The following ALPL variants were observed in gnomAD, a reference collection of about 807,000 sequenced individuals.
The protein encoded by ALPL is alkaline phosphatase, biomineralization associated, also known as alkaline phosphatase, tissue-nonspecific isozyme.
Under a neutral mutation model 51.3 loss-of-function variants are expected in ALPL, and 42 were observed. That is an observed-to-expected ratio of 0.82 (90% CI 0.64 to 1.06). The LOEUF (loss-of-function observed/expected upper bound fraction) is 1.06, where lower values mean the gene tolerates loss of function less well. ALPL is among the 50% of genes least tolerant of loss of function. The pLI, the probability that ALPL is intolerant of heterozygous loss-of-function variation, is 0.00. For missense variants in ALPL, 589 were observed against 709.4 expected (o/e 0.83, Z 1.93); for synonymous variants, 279 against 296.4 (o/e 0.94, Z 0.60).
chr1:21,523,531 C>T (rs1023952521), intron 1 of ALPL, among the ~76,000 whole-genome samples: 1 of 152,146 alleles, frequency 6.6e-6, no homozygotes, highest in Non-Finnish European at 1.5e-5. Flanking sequence ...CTATATGATC[C>T]GTGGGGCGGA....
At chr1:21,534,747 A>G (rs749279297) in intron 1 of ALPL, among the ~76,000 whole-genome samples, 7 of 152,200 alleles carry the variant, frequency 4.6e-5, no homozygotes, top group Non-Finnish European at 7.3e-5. Flanking sequence ...GCCCTGGGCA[A>G]GAATCCAGTT....
At chr1:21,516,769 C>T (rs114753919) in intron 1 of ALPL, among the ~76,000 whole-genome samples, 123 of 152,342 alleles carry the variant, frequency 8.1e-4, no homozygotes, top group African/African-American at 3.0e-3. Context: ...CAGGTTTCCT[C>T]TCAACAGCTT....
At chr1:21,565,946 C>T (rs925645723) in intron 6 of ALPL, among the ~76,000 whole-genome samples, 1 of 152,164 alleles carries the variant, frequency 6.6e-6, no homozygotes, top group Non-Finnish European at 1.5e-5. Context: ...CGCTGCCGGG[C>T]TGGAAACGAT....
In ALPL at chr1:21,564,160, A is replaced by G. The variant is rs1370775537; in HGVS notation, c.592A>G (p.Ser198Gly). The G allele has an allele frequency of 6.2e-7, 1 of 1,614,036 alleles. No individual in the cohort carries two copies. The highest frequency in any genetic ancestry group is 1.7e-4 in the Middle Eastern group (1 of 6,058). The change falls in exon 6 of 12, where the codon AGC becomes GGC. Residue 198 changes from serine (S) to glycine (G), a missense_variant. Coordinates refer to ENST00000374840, the MANE Select transcript of ALPL (RefSeq NM_000478.6). The surrounding 1 kb of genome is among the most constrained non-coding windows in gnomAD (Gnocchi z 5.8). ...SDNEMPPEAL[S>G]QGCKDIAYQL... ...CAACGAGATGCCCCCTGAGGCCTTG[A>G]GCCAGGGCTGTAAGGACATCGCCTA...
intron 2 of ALPL, 122 bp from the exon 3 acceptor site, chr1:21,560,504 T>C: frequency 7.6e-7 from 1 of 1,321,100 alleles, no homozygotes; most frequent in Non-Finnish European, 1.1e-6. Context: ...GGTGGGCAAC[T>C]ATTGCACCCA....
chr1:21,573,576 G>A (rs931293045), intron 8 of ALPL, 89 bp from the exon 9 acceptor site: 32 of 1,530,520 alleles, frequency 2.1e-5, no homozygotes, highest in Non-Finnish European at 2.8e-5. Context: ...TGGGGAGCCT[G>A]CATTCCCTGA....
At chr1:21,575,450 GGGA>G (rs1343348723) in intron 9 of ALPL, among the ~76,000 whole-genome samples, 1 of 152,162 alleles carries the variant, frequency 6.6e-6, no homozygotes, top group Non-Finnish European at 1.5e-5. Flanking sequence ...GAGGGGCGGT[GGGA>G]GGAGTACAGC....
intron 1 of ALPL, among the ~76,000 whole-genome samples, chr1:21,537,568 C>A (rs371935792): frequency 6.6e-6 from 1 of 152,228 alleles, no homozygotes; most frequent in Admixed American, 6.5e-5. Flanking sequence ...AACCACCCCC[C>A]CCACCGCCAT....
chr1:21,536,919 C>T (rs1172664026), intron 1 of ALPL, among the ~76,000 whole-genome samples: 29 of 100,594 alleles, frequency 2.9e-4, no homozygotes, highest in African/African-American at 1.0e-3. Context: ...TTTTTTGAGA[C>T]GGAGTCTTGC....
At chr1:21,523,374 A>G (rs10917004) in intron 1 of ALPL, among the ~76,000 whole-genome samples, 74,937 of 152,110 alleles carry the variant, frequency 0.49, 19,284 homozygotes, top group East Asian at 0.84. Context: ...ATAGCTCTGG[A>G]GTGTGAACAC....
At chr1:21,534,735 A>G (rs1009565169) in intron 1 of ALPL, among the ~76,000 whole-genome samples, 7 of 152,174 alleles carry the variant, frequency 4.6e-5, no homozygotes, top group African/African-American at 1.7e-4. Flanking sequence ...GGGAGACAGG[A>G]GGCCCTGGGC....
intron 1 of ALPL, among the ~76,000 whole-genome samples, chr1:21,522,705 A>G (rs1002173796): frequency 5.9e-5 from 9 of 152,168 alleles, no homozygotes; most frequent in African/African-American, 2.4e-5. Context: ...CGGGCACACA[A>G]TAGGTCTTCT....
rs186871338 is a variant in ALPL at position 21,514,202 on chromosome 1, A to G, written c.-105+4685A>G. ...TGAGGGCTCTGGAGGTTTGGGGGTG[A>G]TAGAGCATCTACCTGTCAAGGCTCA... On this transcript the variant is annotated intron_variant, in intron 1 of 11. Coordinates refer to ENST00000374840, the MANE Select transcript of ALPL (RefSeq NM_000478.6). Among the ~76,000 whole-genome samples the G allele has an allele frequency of 1.6e-3, 244 of 152,002 alleles. 3 individuals are homozygous for G. Among genetic ancestry groups the G allele is most frequent in the African/African-American group, 5.6e-3 (234 of 41,434 alleles).
intron 1 of ALPL, among the ~76,000 whole-genome samples, chr1:21,515,473 C>T (rs576815494): frequency 6.6e-6 from 1 of 151,816 alleles, no homozygotes; most frequent in South Asian, 2.1e-4. Context: ...ACTACAACCT[C>T]CGCCTCCCGG....
intron 1 of ALPL, among the ~76,000 whole-genome samples, chr1:21,533,608 C>A (rs1479744449): frequency 6.6e-6 from 1 of 152,130 alleles, no homozygotes; most frequent in Non-Finnish European, 1.5e-5. Context: ...GGTCTTTCCA[C>A]CATGCCACAC....
rs1057521085 is a variant in ALPL at position 21,561,142 on chromosome 1, A to G, written c.227A>G (p.Gln76Arg). Reference sequence around the variant, plus strand: ...ACGGCTGCCCGCATCCTCAAGGGTCAGCTCCACCACAACCCTGGGGAGGAG... The same window carrying G: ...ACGGCTGCCCGCATCCTCAAGGGTCGGCTCCACCACAACCCTGGGGAGGAG... ...TVTAARILKG[Q>R]LHHNPGEETR... The change falls in exon 4 of 12, where the codon CAG becomes CGG. Residue 76 changes from glutamine (Q) to arginine (R), a missense_variant. Transcript: ENST00000374840. The G allele has an allele frequency of 2.0e-5, 33 of 1,613,478 alleles. No homozygotes were observed. The highest frequency in any genetic ancestry group is 2.6e-5 in the Non-Finnish European group (31 of 1,179,872).
intron 6 of ALPL, among the ~76,000 whole-genome samples, chr1:21,565,748 C>A (rs569208531): frequency 1.3e-5 from 2 of 151,708 alleles, no homozygotes; most frequent in South Asian, 4.2e-4. Context: ...CCGTCACCAC[C>A]CCCCCAAAAG....
intron 1 of ALPL, among the ~76,000 whole-genome samples, chr1:21,549,351 A>G (rs1250987914): frequency 6.6e-6 from 1 of 152,146 alleles, no homozygotes; most frequent in African/African-American, 2.4e-5. Flanking sequence ...CTGCCTCCTT[A>G]GTGTCTCCAC....
chr1:21,562,020 C>A (rs1438038523), intron 4 of ALPL, among the ~76,000 whole-genome samples: 1 of 152,038 alleles, frequency 6.6e-6, no homozygotes, highest in African/African-American at 2.4e-5. Context: ...CGAGGCAGTT[C>A]GTGAAGTTAA....
Sources: allele counts gnomAD v4.1 joint callset (sites outside exome capture counted in the v4.1 genomes callset), GRCh38; gene constraint gnomAD v4.1.1; non-coding constraint Gnocchi (gnomAD v3.1); transcripts MANE v1.5; gene names NCBI Gene and HGNC (gene_info 2026-07-23, HGNC 2026-07-21).